FIGN: variants seen among roughly 807,000 people sequenced by gnomAD.
The protein encoded by FIGN is fidgetin, microtubule severing factor.
FIGN carries 11 observed loss-of-function variants against 51.3 expected under a neutral mutation model. The ratio of observed to expected loss-of-function variants is 0.21; its 90% CI spans 0.13 to 0.35. FIGN has a LOEUF of 0.35. FIGN is among the 10% of genes least tolerant of loss of function. The pLI, the probability that FIGN is intolerant of heterozygous loss-of-function variation, is 1.00. For synonymous variants in FIGN, 407 were observed against 363.2 expected, an observed-to-expected ratio of 1.12 and a Z score of -1.37; for missense variants, 857 against 943.6, an observed-to-expected ratio of 0.91 and a Z score of 1.20.
At chr2:163,694,114 G>T (rs961423780) in intron 2 of FIGN, among the ~76,000 whole-genome samples, 1 of 152,112 alleles carries the variant, frequency 6.6e-6, no homozygotes, top group Non-Finnish European at 1.5e-5. Flanking sequence ...GTAGGTCTAG[G>T]TTTGGTGGAG....
intron 2 of FIGN, among the ~76,000 whole-genome samples, chr2:163,678,529 A>G (rs1356062235): frequency 6.6e-6 from 1 of 152,118 alleles, no homozygotes; most frequent in African/African-American, 2.4e-5. Context: ...CCAACATGTC[A>G]TCTTAAGCTC....
At chr2:163,618,565 A>G (rs1682916006) in intron 2 of FIGN, among the ~76,000 whole-genome samples, 1 of 152,102 alleles carries the variant, frequency 6.6e-6, no homozygotes, top group African/African-American at 2.4e-5. Context: ...TGGCCAGCAC[A>G]GGGCTTTAAA....
At chr2:163,655,804 C>CACAGAGAGAGAG (rs374458554) in intron 2 of FIGN, among the ~76,000 whole-genome samples, 9 of 145,780 alleles carry the variant, frequency 6.2e-5, no homozygotes, top group African/African-American at 2.3e-4. Context: ...CACACACACA[C>CACAGAGAGAGAG]AGAGAGAGAG....
In FIGN at chr2:163,610,242, T is replaced by C; in HGVS notation, c.1590A>G (p.Thr530=). The stretch of plus-strand genomic sequence containing the variant: ...TGCATCTGCCCAATAATGTTTTGCC[T>C]GTCCCCCGAGGTCCAAATAAAAGGA... ...RSILLFGPRG[T]GKTLLGRCIA... The change falls in exon 3 of 3, where the codon ACA becomes ACG. Residue 530 remains threonine, a synonymous_variant. Coordinates refer to ENST00000333129, the MANE Select transcript of FIGN (RefSeq NM_018086.4). The C allele has an allele frequency of 6.2e-7, 1 of 1,614,130 alleles. No individual in the cohort carries two copies. The highest frequency in any genetic ancestry group is 1.3e-5 in the African/African-American group (1 of 75,044).
At chr2:163,685,712 C>G (rs1415508926) in intron 2 of FIGN, among the ~76,000 whole-genome samples, 1 of 152,164 alleles carries the variant, frequency 6.6e-6, no homozygotes. Flanking sequence ...ATTTGTAAAT[C>G]TAAGCTCATC....
chr2:163,677,632 A>G (rs555324258), intron 2 of FIGN, among the ~76,000 whole-genome samples: 1 of 152,372 alleles, frequency 6.6e-6, no homozygotes, highest in South Asian at 2.1e-4. Flanking sequence ...CTATTCTGAT[A>G]TTAAAATAAC....
At chr2:163,679,024 C>T (rs1488283915) in intron 2 of FIGN, among the ~76,000 whole-genome samples, 2 of 152,092 alleles carry the variant, frequency 1.3e-5, no homozygotes, top group Non-Finnish European at 2.9e-5. Context: ...TAGTCTTTGG[C>T]TACTTAGTAA....
At chr2:163,703,123 T>C (rs1159614) in intron 2 of FIGN, among the ~76,000 whole-genome samples, 150,465 of 150,828 alleles carry the variant, frequency 1, 75,057 homozygotes, top group Middle Eastern at 1. Context: ...GCAGTTTTTT[T>C]GTAATTGAAA....
At chr2:163,684,817 C>T (rs1684119284) in intron 2 of FIGN, among the ~76,000 whole-genome samples, 1 of 152,088 alleles carries the variant, frequency 6.6e-6, no homozygotes, top group Non-Finnish European at 1.5e-5. Context: ...TCTTGTTGCC[C>T]AGGCTGGAGT....
chr2:163,612,463 T>G (rs1188046598), intron 2 of FIGN: 1 of 985,322 alleles, frequency 1.0e-6, no homozygotes, highest in Non-Finnish European at 1.2e-6. Flanking sequence ...TCAAATCTGC[T>G]TCGTGGAGTG....
At chr2:163,637,014 G>A (rs893072394) in intron 2 of FIGN, among the ~76,000 whole-genome samples, 1 of 151,432 alleles carries the variant, frequency 6.6e-6, no homozygotes, top group Non-Finnish European at 1.5e-5. Flanking sequence ...GGGAGGTAGA[G>A]GTTGCAGTGA....
intron 2 of FIGN, among the ~76,000 whole-genome samples, chr2:163,666,501 C>A (rs550811069): frequency 6.6e-6 from 1 of 152,206 alleles, no homozygotes; most frequent in African/African-American, 2.4e-5. Context: ...GTTCTAGGCT[C>A]CAATGCTTAT....
At chr2:163,678,293 T>G (rs1684005793) in intron 2 of FIGN, among the ~76,000 whole-genome samples, 1 of 152,120 alleles carries the variant, frequency 6.6e-6, no homozygotes, top group Non-Finnish European at 1.5e-5. Context: ...CGATCTTGGC[T>G]CACTGCAACC....
intron 2 of FIGN, among the ~76,000 whole-genome samples, chr2:163,646,365 T>C (rs1440497509): frequency 5.3e-5 from 8 of 152,154 alleles, no homozygotes; most frequent in African/African-American, 7.2e-5. Flanking sequence ...GACTCTAAAC[T>C]ATAAAATGTT....
At chr2:163,643,389 G>A (rs1683332901) in intron 2 of FIGN, among the ~76,000 whole-genome samples, 1 of 152,156 alleles carries the variant, frequency 6.6e-6, no homozygotes, top group Non-Finnish European at 1.5e-5. Flanking sequence ...GGTAGCTGAT[G>A]CTTGTAATCC....
intron 2 of FIGN, among the ~76,000 whole-genome samples, chr2:163,643,285 T>A (rs998401668): frequency 2.6e-5 from 4 of 152,148 alleles, no homozygotes; most frequent in African/African-American, 9.7e-5. Flanking sequence ...GCAAAAACAG[T>A]CTTTTCAACA....
chr2:163,688,179 C>G (rs1403433259), intron 2 of FIGN, among the ~76,000 whole-genome samples: 1 of 152,128 alleles, frequency 6.6e-6, no homozygotes. Flanking sequence ...TATGGCAATG[C>G]CTGCTTATAA....
intron 2 of FIGN, among the ~76,000 whole-genome samples, chr2:163,680,688 C>T (rs1283709820): frequency 5.3e-5 from 8 of 152,128 alleles, no homozygotes; most frequent in Non-Finnish European, 1.2e-4. Context: ...GATAAACCAT[C>T]GCCTCTCTGT....
chr2:163,703,094 A>G (rs1208131888), intron 2 of FIGN, among the ~76,000 whole-genome samples: 1 of 151,802 alleles, frequency 6.6e-6, no homozygotes, highest in African/African-American at 2.4e-5. Context: ...TTATCAAAAT[A>G]AATGCTTGAT....
Sources: allele counts gnomAD v4.1 joint callset (sites outside exome capture counted in the v4.1 genomes callset), GRCh38; gene constraint gnomAD v4.1.1; transcripts MANE v1.5; gene names NCBI Gene and HGNC (gene_info 2026-07-23, HGNC 2026-07-21).